MAP3K4: variants seen among roughly 807,000 people sequenced by gnomAD.
MAP3K4 encodes the protein MAP three kinase 1.
MAP3K4 carries 67 observed loss-of-function variants against 185.6 expected under a neutral mutation model. The observed-to-expected ratio is 0.36, with a 90% CI of 0.30 to 0.44. MAP3K4 has a LOEUF of 0.44. MAP3K4 is among the 20% of genes least tolerant of loss of function. The pLI is 1.00. For synonymous variants in MAP3K4, 702 were observed against 710.4 expected, an observed-to-expected ratio of 0.99 and a Z score of 0.19; for missense variants, 1,551 against 1,995.1, an observed-to-expected ratio of 0.78 and a Z score of 4.24.
In MAP3K4 at chr6:161,043,754, G is replaced by A. The variant is rs1347362105; in HGVS notation, c.344-4862G>A. Among the ~76,000 whole-genome samples, 1 of 152,196 alleles carries A rather than the reference G, an allele frequency of 6.6e-6. No homozygotes were observed. The highest frequency in any genetic ancestry group is 2.4e-5 in the African/African-American group (1 of 41,462). ...ACTGAAATTTGAGAAGCTTGAGCTA[G>A]ATGATCTCTAAGTCCCTTCAGGTTG... On this transcript the variant is annotated intron_variant, in intron 2 of 26. Transcript: ENST00000392142. The surrounding 1 kb of genome is among the most constrained non-coding windows in gnomAD (Gnocchi z 4.3).
chr6:161,097,871 T>C lies in MAP3K4; in HGVS notation c.3525-407T>C, dbSNP rs1777642552. Among the ~76,000 whole-genome samples, 1 of 152,066 alleles carries C rather than the reference T, an allele frequency of 6.6e-6. No individual in the cohort carries two copies. The highest frequency in any genetic ancestry group is 1.5e-5 in the Non-Finnish European group (1 of 68,004). ...AGGAGGACGAGGCGGGAGGATCACT[T>C]GAGCCCAGGAGAACAGCCTGGGCAA... On this transcript the variant is annotated intron_variant, in intron 16 of 26. Coordinates refer to ENST00000392142, the MANE Select transcript of MAP3K4 (RefSeq NM_005922.4). The surrounding 1 kb of genome is among the most constrained non-coding windows in gnomAD (Gnocchi z 4.9).
At chr6:161,035,911 A>G (rs190058087) in intron 2 of MAP3K4, among the ~76,000 whole-genome samples, 1 of 152,346 alleles carries the variant, frequency 6.6e-6, no homozygotes, top group Non-Finnish European at 1.5e-5. Flanking sequence ...ACTGAGGCCC[A>G]GGGCTTCAGA....
intron 19 of MAP3K4, 67 bp downstream of exon 19, chr6:161,102,846 C>T: frequency 4.6e-6 from 5 of 1,075,486 alleles, no homozygotes; most frequent in Non-Finnish European, 6.6e-6. Flanking sequence ...ATAAGGGGAG[C>T]AGTTTCAGGT....
At position 161,020,483 on chromosome 6, in the gene MAP3K4, C is replaced by T. The variant is rs552320942; in HGVS notation, c.153-13776C>T. Among the ~76,000 whole-genome samples, 6 of 152,174 alleles carry T rather than the reference C, an allele frequency of 3.9e-5. No individual in the cohort carries two copies. In the South Asian group the frequency reaches 1.2e-3, roughly 32 times the overall value. On this transcript the variant is annotated intron_variant, in intron 1 of 26. Transcript: ENST00000392142. ...GACCATCCTGGCCAACATGGTGAAA[C>T]TCCGTTTCTACTAAAAATACAAATA...
rs1036341840 is a variant in MAP3K4, at chr6:161,100,290, G to A, written c.3675-1602G>A. ...TGTGGGTTTGTGAATGTGCCACGGG[G>A]AGGCAGAATGACACCAGTGTGTGCA... On this transcript the variant is annotated intron_variant, in intron 17 of 26. Coordinates refer to ENST00000392142, the MANE Select transcript of MAP3K4 (RefSeq NM_005922.4). The surrounding 1 kb of genome is among the most constrained non-coding windows in gnomAD (Gnocchi z 5.8). Among the ~76,000 whole-genome samples the A allele has an allele frequency of 8.5e-5, 13 of 152,210 alleles. No homozygotes were observed. The highest frequency in any genetic ancestry group is 1.3e-4 in the Admixed American group (2 of 15,288).
In MAP3K4 at chr6:160,991,812, C is replaced by G; in HGVS notation, c.-120C>G. ...TCCAAGATGGCCGCGGCGCGCACGG[C>G]TCCTGCGGCGGGGTAGAGGCGGAGG... On this transcript the variant is annotated 5_prime_UTR_variant, in exon 1 of 27. Coordinates refer to ENST00000392142, the MANE Select transcript of MAP3K4 (RefSeq NM_005922.4). This position sits in a 1 kb window ranked among gnomAD's most constrained non-coding sequence, Gnocchi z 5.7. The G allele has an allele frequency of 6.1e-6, 7 of 1,142,742 alleles. No homozygotes were observed. Among genetic ancestry groups the G allele is most frequent in the Non-Finnish European group, 8.0e-6 (7 of 872,154 alleles). The allele number at this position is 1,142,742 out of a possible 1,614,324, so 70.8% of individuals were successfully genotyped here.
chr6:160,999,216 G>A (rs1293923561), intron 1 of MAP3K4, among the ~76,000 whole-genome samples: 1 of 152,222 alleles, frequency 6.6e-6, no homozygotes, highest in Non-Finnish European at 1.5e-5. Context: ...CTGCTGAAAT[G>A]TAGAACTTTC....
Position 161,037,225 on chromosome 6 carries a change from A to G in MAP3K4, c.343+2776A>G, listed in dbSNP as rs1783210851. Among the ~76,000 whole-genome samples the G allele has an allele frequency of 6.6e-6, 1 of 152,158 alleles. No individual in the cohort carries two copies. The highest frequency in any genetic ancestry group is 2.4e-5 in the African/African-American group (1 of 41,436). ...TTGAGAATTTATTTGTTCTCAGACT[A>G]TTGCAGCACAGCATGGTGGACAAAA... On this transcript the variant is annotated intron_variant, in intron 2 of 26. Coordinates refer to ENST00000392142, the MANE Select transcript of MAP3K4 (RefSeq NM_005922.4). This position sits in a 1 kb window ranked among gnomAD's most constrained non-coding sequence, Gnocchi z 4.2.
At chr6:160,994,435 C>T (rs187409773) in intron 1 of MAP3K4, among the ~76,000 whole-genome samples, 1 of 152,282 alleles carries the variant, frequency 6.6e-6, no homozygotes, top group Non-Finnish European at 1.5e-5. Flanking sequence ...TGGCCTCCAG[C>T]TCCATCCAAG....
intron 1 of MAP3K4, among the ~76,000 whole-genome samples, chr6:161,031,947 A>G (rs531563578): frequency 6.6e-6 from 1 of 152,172 alleles, no homozygotes; most frequent in East Asian, 1.9e-4. Context: ...ATCTGACTTC[A>G]TTTTTCTAAT....
chr6:161,085,691 A>G (rs1437809318), intron 7 of MAP3K4, among the ~76,000 whole-genome samples: 1 of 152,230 alleles, frequency 6.6e-6, no homozygotes, highest in Non-Finnish European at 1.5e-5. Flanking sequence ...AATGGAATAA[A>G]TAAGTTTGTA....
Position 161,112,022 on chromosome 6 carries a change from T to C in MAP3K4, c.4519+64T>C. On this transcript the variant is annotated intron_variant, in intron 24 of 26. Coordinates refer to ENST00000392142, the MANE Select transcript of MAP3K4 (RefSeq NM_005922.4). The surrounding 1 kb of genome is among the most constrained non-coding windows in gnomAD (Gnocchi z 5.1). ...ATGCAGCCTGCTTGGGGCCTGCATG[T>C]TCCCTTCACCTTTGTTTGTCAGTAG... 6.3e-7 allele frequency: 1 copy of C among 1,590,398 alleles called. No individual in the cohort carries two copies. The highest frequency in any genetic ancestry group is 8.6e-7 in the Non-Finnish European group (1 of 1,166,632).
chr6:161,037,012 G>A lies in MAP3K4; in HGVS notation c.343+2563G>A, dbSNP rs553070298. Among the ~76,000 whole-genome samples, 2 of 152,258 alleles carry A rather than the reference G, an allele frequency of 1.3e-5. No individual in the cohort carries two copies. The highest frequency in any genetic ancestry group is 1.3e-4 in the Admixed American group (2 of 15,292). On this transcript the variant is annotated intron_variant, in intron 2 of 26. Transcript: ENST00000392142. This position sits in a 1 kb window ranked among gnomAD's most constrained non-coding sequence, Gnocchi z 4.2. ...GGAAACTGGCTCAGAGAAGTTTTAC[G>A]GCTTTCAATTTTAAATGTCTCAGTC...
chr6:161,065,353 T>C (rs1453226734), intron 3 of MAP3K4, among the ~76,000 whole-genome samples: 2 of 152,234 alleles, frequency 1.3e-5, no homozygotes, highest in Non-Finnish European at 2.9e-5. Flanking sequence ...TTACACTGTG[T>C]TTGATGCTGT....
intron 15 of MAP3K4, among the ~76,000 whole-genome samples, chr6:161,095,391 A>G (rs765969082): frequency 6.6e-6 from 1 of 152,230 alleles, no homozygotes; most frequent in Admixed American, 6.5e-5. Context: ...TTCTTTTCTT[A>G]CAAAAGAAAT....
chr6:161,109,527 T>C lies in MAP3K4; in HGVS notation c.4237-228T>C, dbSNP rs1778252618. On this transcript the variant is annotated intron_variant, in intron 22 of 26. Transcript: ENST00000392142. This position sits in a 1 kb window ranked among gnomAD's most constrained non-coding sequence, Gnocchi z 5.7. The stretch of plus-strand genomic sequence containing the variant: ...ATCCCCTGTGATTTGGAGATGTTCT[T>C]ATCCCCAAGAGCTGTATAATTCCAG... Among the ~76,000 whole-genome samples the C allele has an allele frequency of 6.6e-6, 1 of 152,188 alleles. No individual in the cohort carries two copies. The highest frequency in any genetic ancestry group is 1.5e-5 in the Non-Finnish European group (1 of 68,024).
At chr6:160,992,226 G>A (rs1780750473) in intron 1 of MAP3K4, 143 bp downstream of exon 1, 2 of 1,173,212 alleles carry the variant, frequency 1.7e-6, no homozygotes, top group Admixed American at 3.5e-5. Context: ...GAGGGGCGCG[G>A]TGCATCCCTG....
intron 1 of MAP3K4, among the ~76,000 whole-genome samples, chr6:161,030,170 T>C (rs1010510544): frequency 6.6e-6 from 1 of 152,136 alleles, no homozygotes; most frequent in African/African-American, 2.4e-5. Flanking sequence ...CAGTAACACA[T>C]GGTTAAACTG....
rs200966904 is a variant in MAP3K4 at position 161,064,454 on chromosome 6, CTTTTTT to C, written c.1708-6148_1708-6143del. On this transcript the variant is annotated intron_variant, in intron 3 of 26. Coordinates refer to ENST00000392142, the MANE Select transcript of MAP3K4 (RefSeq NM_005922.4). This position sits in a 1 kb window ranked among gnomAD's most constrained non-coding sequence, Gnocchi z 4.3. ...ATTTTCCAACTTCTTAAACTGCTGCCTTTTTTTTTTTACATTAAATTCTAGATAATT... is the reference window on the plus strand; with the variant it reads ...ATTTTCCAACTTCTTAAACTGCTGCCTTTTTACATTAAATTCTAGATAATT... 7.0e-6 allele frequency among the ~76,000 whole-genome samples: 1 copy of C among 143,350 alleles called. No individual in the cohort carries two copies. Among genetic ancestry groups the C allele is most frequent in the African/African-American group, 2.5e-5 (1 of 39,286 alleles). 94.0% of individuals were successfully genotyped at this position (143,350 alleles called of 152,430 possible).
Sources: gnomAD v4.1 joint callset for allele counts (sites outside exome capture counted in the v4.1 genomes callset) on GRCh38, gnomAD v4.1.1 for gene constraint, Gnocchi (gnomAD v3.1) non-coding constraint, MANE v1.5 for transcripts, NCBI Gene and HGNC (gene_info 2026-07-23, HGNC 2026-07-21) for gene names.